FMNL2: variants seen among roughly 807,000 people sequenced by gnomAD.
FMNL2 encodes formin-like protein 2.
FMNL2 carries 51 observed loss-of-function variants against 130.2 expected under a neutral mutation model. The ratio of observed to expected loss-of-function variants is 0.39; its 90% CI spans 0.31 to 0.49. The LOEUF (loss-of-function observed/expected upper bound fraction) is 0.49. Ranked by LOEUF, FMNL2 falls within the 20% of genes least tolerant of loss-of-function variation. FMNL2 has a pLI of 0.85. For synonymous variants in FMNL2, 465 were observed against 467.1 expected, an observed-to-expected ratio of 1.00 and a Z score of 0.06; for missense variants, 977 against 1,316.2, an observed-to-expected ratio of 0.74 and a Z score of 3.99.
chr2:152,609,454 T>G (rs1485736422), intron 10 of FMNL2, among the ~76,000 whole-genome samples: 1 of 152,172 alleles, frequency 6.6e-6, no homozygotes, highest in Non-Finnish European at 1.5e-5. Context: ...TCATAACATA[T>G]AATATAAATT....
At chr2:152,603,759 A>G (rs969636968) in intron 9 of FMNL2, among the ~76,000 whole-genome samples, 2 of 151,114 alleles carry the variant, frequency 1.3e-5, no homozygotes, top group Admixed American at 6.6e-5. Context: ...CATTGCACTT[A>G]TGCAGGGGCA....
At chr2:152,470,030 T>C (rs1014300671) in intron 1 of FMNL2, among the ~76,000 whole-genome samples, 68 of 152,212 alleles carry the variant, frequency 4.5e-4, no homozygotes, top group Admixed American at 4.3e-3. Context: ...TTTAAGTGTT[T>C]GTTGGTTTCC....
At chr2:152,446,725 AG>A (rs1262659991) in intron 1 of FMNL2, among the ~76,000 whole-genome samples, 27 of 152,236 alleles carry the variant, frequency 1.8e-4, no homozygotes, top group African/African-American at 6.3e-4. Context: ...ACCATTGTTA[AG>A]GAAGAATCTG....
At chr2:152,358,100 C>T (rs1028630833) in intron 1 of FMNL2, among the ~76,000 whole-genome samples, 6 of 152,240 alleles carry the variant, frequency 3.9e-5, no homozygotes, top group South Asian at 2.1e-4. Flanking sequence ...CTGAGTCTGC[C>T]GAGTCTGCCA....
At chr2:152,622,230 T>C (rs1681389336) in intron 15 of FMNL2, among the ~76,000 whole-genome samples, 1 of 152,202 alleles carries the variant, frequency 6.6e-6, no homozygotes, top group South Asian at 2.1e-4. Context: ...CTTTGGTTGA[T>C]TGTTTTTCAT....
At chr2:152,500,256 C>T (rs1001926064) in intron 1 of FMNL2, among the ~76,000 whole-genome samples, 1 of 151,846 alleles carries the variant, frequency 6.6e-6, no homozygotes, top group Non-Finnish European at 1.5e-5. Context: ...CTAAATCATC[C>T]TCTGAAATAC....
chr2:152,401,254 A>G (rs1243513138), intron 1 of FMNL2, among the ~76,000 whole-genome samples: 3 of 152,370 alleles, frequency 2.0e-5, no homozygotes, highest in East Asian at 3.9e-4. Flanking sequence ...TAGTTCTTCA[A>G]TGCCTTTAGG....
chr2:152,590,862 C>T (rs1697393035), intron 9 of FMNL2, among the ~76,000 whole-genome samples: 2 of 151,676 alleles, frequency 1.3e-5, no homozygotes, highest in African/African-American at 4.8e-5. Context: ...TTTGGAGTGG[C>T]ACTGGGACAA....
chr2:152,529,682 T>C (rs539529865), intron 2 of FMNL2, among the ~76,000 whole-genome samples: 51 of 152,318 alleles, frequency 3.3e-4, no homozygotes, highest in Admixed American at 2.0e-3. Flanking sequence ...ACATTACGTC[T>C]TTCCTCTTCT....
rs547324944 is a variant in FMNL2, at chr2:152,646,339, G to A, written c.3170-1457G>A. Among the ~76,000 whole-genome samples the A allele has an allele frequency of 9.2e-3, 85 of 9,258 alleles. 1 individual carries two copies. The highest frequency in any genetic ancestry group is 0.015 in the African/African-American group (73 of 5,016). The allele number at this position is 9,258 out of a possible 152,430, so 6.1% of individuals were successfully genotyped here. A position where few individuals can be genotyped will look rare whatever the true frequency, so the allele number is the denominator to read the frequency against. Reference sequence around the variant, plus strand: ...AGACTGTCCTCCCCTCACAACCCCCGCCCACCCCCCCAGAAAAGAGTAGGG... The same window carrying A: ...AGACTGTCCTCCCCTCACAACCCCCACCCACCCCCCCAGAAAAGAGTAGGG... On this transcript the variant is annotated intron_variant, in intron 25 of 25. Coordinates refer to ENST00000288670, the MANE Select transcript of FMNL2 (RefSeq NM_052905.4).
chr2:152,497,322 T>G (rs1415820653), intron 1 of FMNL2, among the ~76,000 whole-genome samples: 2 of 152,162 alleles, frequency 1.3e-5, no homozygotes, highest in African/African-American at 2.4e-5. Flanking sequence ...GCATTTTTTT[T>G]TGTTTTTAGT....
chr2:152,499,543 G>GA (rs775213954), intron 1 of FMNL2, among the ~76,000 whole-genome samples: 2 of 152,086 alleles, frequency 1.3e-5, no homozygotes, highest in Non-Finnish European at 2.9e-5. Context: ...AGACAGAAGT[G>GA]AAAAAAAGGG....
intron 1 of FMNL2, among the ~76,000 whole-genome samples, chr2:152,359,494 T>TTC (rs1553866944): frequency 0.67 from 98,851 of 147,854 alleles, 34,799 homozygotes; most frequent in Admixed American, 0.8. Flanking sequence ...TTTTTTTTTT[T>TTC]CACATAACAG....
intron 9 of FMNL2, among the ~76,000 whole-genome samples, chr2:152,589,942 T>TATAC (rs1553482632): frequency 1.5e-3 from 14 of 9,540 alleles, no homozygotes; most frequent in African/African-American, 5.3e-3. Context: ...GCTTTATACA[T>TATAC]ATATATATAT....
intron 1 of FMNL2, among the ~76,000 whole-genome samples, chr2:152,424,777 T>C (rs1248150506): frequency 6.6e-6 from 1 of 152,176 alleles, no homozygotes; most frequent in Non-Finnish European, 1.5e-5. Flanking sequence ...TTTTAACTTA[T>C]CAAAGGTCAC....
chr2:152,561,032 T>C lies in FMNL2; in HGVS notation c.593T>C (p.Leu198Pro), dbSNP rs1695493623. 1 of 1,591,306 alleles carries C rather than the reference T, an allele frequency of 6.3e-7. No homozygotes were observed. ...SVSRSGRHSA[L>P]RYNTLPSRRT... ...TCCCGCTCTGGAAGACATTCTGCAC[T>C]GCGGTGAGTTCGTTTAATCAGGAGG... The change falls in exon 6 of 26, where the codon CTG (leucine) becomes CCG (proline). Residue 198 changes from leucine to proline, a missense_variant. Around this residue, in one of 4 missense-constraint regions of FMNL2, gnomAD observed 689 missense variants for 995.9 expected, o/e 0.69. Coordinates refer to ENST00000288670, the MANE Select transcript of FMNL2 (RefSeq NM_052905.4).
At chr2:152,494,610 T>C (rs547446512) in intron 1 of FMNL2, among the ~76,000 whole-genome samples, 1 of 152,366 alleles carries the variant, frequency 6.6e-6, no homozygotes, top group Admixed American at 6.5e-5. Context: ...GATTTGAGAA[T>C]TGTCGTTTTG....
intron 1 of FMNL2, among the ~76,000 whole-genome samples, chr2:152,382,737 TA>T (rs1195540870): frequency 6.6e-6 from 1 of 152,096 alleles, no homozygotes. Context: ...TAAACTTATA[TA>T]AAAAAATCAC....
At chr2:152,458,475 C>G (rs1689073937) in intron 1 of FMNL2, among the ~76,000 whole-genome samples, 1 of 152,194 alleles carries the variant, frequency 6.6e-6, no homozygotes, top group African/African-American at 2.4e-5. Context: ...AGAATGTGCC[C>G]TTCCCTTATT....
Sources: allele counts gnomAD v4.1 joint callset (sites outside exome capture counted in the v4.1 genomes callset), GRCh38; gene constraint gnomAD v4.1.1; regional missense constraint gnomAD v4.1.1; transcripts MANE v1.5; gene names NCBI Gene and HGNC (gene_info 2026-07-23, HGNC 2026-07-21).